Variants in ADCK1 observed in about 807,000 individuals in gnomAD.
ADCK1 encodes the protein aarF domain-containing protein kinase 1.
ADCK1 carries 41 observed loss-of-function variants against 52.3 expected under a neutral mutation model. The ratio of observed to expected loss-of-function variants is 0.78; its 90% CI spans 0.61 to 1.02. The LOEUF is 1.02. ADCK1 is among the 50% of genes least tolerant of loss of function. The pLI, the probability that ADCK1 is intolerant of heterozygous loss-of-function variation, is 0.00. For synonymous variants in ADCK1, 250 were observed against 274.6 expected (o/e 0.91, Z 0.89); for missense variants, 658 against 679.5 (o/e 0.97, Z 0.35).
chr14:77,931,540 C>A lies in ADCK1; in HGVS notation c.1229C>A (p.Ala410Glu). 1 of 1,613,798 alleles carries A rather than the reference C, an allele frequency of 6.2e-7. No individual in the cohort carries two copies. Among genetic ancestry groups the A allele is most frequent in the Non-Finnish European group, 8.5e-7 (1 of 1,179,830 alleles). Residue 410 changes from alanine (A) to glutamate (E), a missense_variant, in exon 10 of 11, where the codon GCG becomes GAG. Ala to Glu is a moderately radical substitution (Grantham distance 107). Coordinates refer to ENST00000238561, the MANE Select transcript of ADCK1 (RefSeq NM_020421.4). ...ATEDLEIRNN[A>E]ANYLPQISHL... ...CAGGACTTAGAGATTCGCAACAACGCGGCCAACTACCTCCCCCAGATCAGC... is the reference window on the plus strand; with the variant it reads ...CAGGACTTAGAGATTCGCAACAACGAGGCCAACTACCTCCCCCAGATCAGC...
At chr14:77,866,405 C>CT (rs1313686234) in intron 4 of ADCK1, among the ~76,000 whole-genome samples, 1 of 152,298 alleles carries the variant, frequency 6.6e-6, no homozygotes, top group African/African-American at 2.4e-5. Context: ...ACCCAGCACT[C>CT]TATCTGGTCA....
At chr14:77,894,764 T>TTTTTTG (rs2083372420) in intron 5 of ADCK1, among the ~76,000 whole-genome samples, 1 of 111,050 alleles carries the variant, frequency 9.0e-6, no homozygotes. Flanking sequence ...TTTTTTTTTT[T>TTTTTTG]AGATGGAGTC....
chr14:77,845,656 C>T (rs956172683), intron 3 of ADCK1, among the ~76,000 whole-genome samples: 12 of 152,228 alleles, frequency 7.9e-5, no homozygotes, highest in African/African-American at 2.4e-4. Context: ...AGTTCCTGGC[C>T]TCAAGTGATC....
chr14:77,858,166 T>G (rs2082462733), intron 3 of ADCK1, among the ~76,000 whole-genome samples: 1 of 152,210 alleles, frequency 6.6e-6, no homozygotes, highest in Admixed American at 6.5e-5. Flanking sequence ...AGACCCCTGC[T>G]AAAGTTTGCT....
intron 4 of ADCK1, among the ~76,000 whole-genome samples, chr14:77,867,624 C>T (rs1026404546): frequency 3.3e-5 from 5 of 152,234 alleles, no homozygotes; most frequent in African/African-American, 1.2e-4. Flanking sequence ...TTAGTCACTG[C>T]GGGAGAGGCA....
Position 77,819,042 on chromosome 14 carries a change from T to C in ADCK1, c.64T>C (p.Tyr22His). Reference protein sequence around the residue: ...TSMALAASGIYFYSNKYLDPN... With the variant: ...TSMALAASGIHFYSNKYLDPN... ...CATGGCTCTTGCTGCCTCTGGCATCTACTTCTACAGTAACAAGTACTTGGA... is the reference window on the plus strand; with the variant it reads ...CATGGCTCTTGCTGCCTCTGGCATCCACTTCTACAGTAACAAGTACTTGGA... The change falls in exon 2 of 11, where the codon TAC becomes CAC. Residue 22 changes from tyrosine (Y) to histidine (H), a missense_variant. Coordinates refer to ENST00000238561, the MANE Select transcript of ADCK1 (RefSeq NM_020421.4). 2 of 1,614,234 alleles carry C rather than the reference T, an allele frequency of 1.2e-6. No homozygotes were observed. The highest frequency in any genetic ancestry group is 1.7e-6 in the Non-Finnish European group (2 of 1,180,034).
chr14:77,842,441 A>C (rs1384059658), intron 3 of ADCK1, among the ~76,000 whole-genome samples: 5 of 78,310 alleles, frequency 6.4e-5, no homozygotes, highest in East Asian at 3.8e-4. Flanking sequence ...CTTTCAGGGT[A>C]TTTTTTTTTC....
intron 4 of ADCK1, among the ~76,000 whole-genome samples, chr14:77,861,835 G>A (rs1042549259): frequency 6.6e-6 from 1 of 152,206 alleles, no homozygotes; most frequent in Non-Finnish European, 1.5e-5. Flanking sequence ...AGGTGTGGGG[G>A]TAAGATTGAG....
intron 3 of ADCK1, among the ~76,000 whole-genome samples, chr14:77,823,510 G>T (rs932371754): frequency 1.3e-5 from 2 of 152,074 alleles, no homozygotes; most frequent in Non-Finnish European, 2.9e-5. Context: ...CTGTCATATA[G>T]CTTCAGAAAC....
intron 7 of ADCK1, among the ~76,000 whole-genome samples, chr14:77,920,927 G>A (rs749932473): frequency 2.6e-5 from 4 of 152,060 alleles, no homozygotes; most frequent in Non-Finnish European, 1.5e-5. Context: ...TGGGATTATA[G>A]GTGTGGGCCA....
chr14:77,828,932 A>G (rs539419939), intron 3 of ADCK1, among the ~76,000 whole-genome samples: 8 of 151,418 alleles, frequency 5.3e-5, no homozygotes, highest in Admixed American at 2.0e-4. Context: ...ATCCAAAACA[A>G]TCATTATTTT....
chr14:77,832,061 T>C (rs917922196), intron 3 of ADCK1, among the ~76,000 whole-genome samples: 2 of 151,762 alleles, frequency 1.3e-5, no homozygotes, highest in Non-Finnish European at 2.9e-5. Flanking sequence ...TACTGCAGCC[T>C]CTACCTTCCG....
intron 3 of ADCK1, among the ~76,000 whole-genome samples, chr14:77,836,259 G>A (rs563316766): frequency 6.6e-6 from 1 of 152,304 alleles, no homozygotes. Context: ...GGGCTTCCCA[G>A]CCTCTAGAAC....
intron 5 of ADCK1, among the ~76,000 whole-genome samples, chr14:77,897,245 C>G (rs2083430657): frequency 6.6e-6 from 1 of 152,218 alleles, no homozygotes; most frequent in Admixed American, 6.5e-5. Context: ...AGTCAATGTT[C>G]TCCCCAGGCC....
chr14:77,890,768 G>A (rs1180488033), intron 5 of ADCK1, among the ~76,000 whole-genome samples: 3 of 152,190 alleles, frequency 2.0e-5, no homozygotes. Flanking sequence ...CAAGAAAGTG[G>A]AGACTCTTCA....
At chr14:77,882,374 A>G (rs890478262) in intron 4 of ADCK1, among the ~76,000 whole-genome samples, 1 of 152,242 alleles carries the variant, frequency 6.6e-6, no homozygotes, top group Non-Finnish European at 1.5e-5. Context: ...TGGTCTTGGC[A>G]TCTAGGCCTG....
intron 4 of ADCK1, among the ~76,000 whole-genome samples, chr14:77,860,612 C>T (rs2082524145): frequency 6.6e-6 from 1 of 152,122 alleles, no homozygotes. Flanking sequence ...AAGGGAGAGA[C>T]ATTGAGTGAA....
chr14:77,926,752 G>C (rs2084205868), intron 9 of ADCK1, among the ~76,000 whole-genome samples: 2 of 152,170 alleles, frequency 1.3e-5, no homozygotes, highest in South Asian at 4.1e-4. Flanking sequence ...ACCTAGACAA[G>C]AGTCTCATGG....
At chr14:77,889,886 T>TAAAAAAAAAAAA (rs10683624) in intron 5 of ADCK1, among the ~76,000 whole-genome samples, 1 of 123,232 alleles carries the variant, frequency 8.1e-6, no homozygotes, top group Admixed American at 8.7e-5. Flanking sequence ...TATATAGAGT[T>TAAAAAAAAAAAA]AAAAAAAAAA....
Sources: gnomAD v4.1 joint callset for allele counts (sites outside exome capture counted in the v4.1 genomes callset) on GRCh38, gnomAD v4.1.1 for gene constraint, MANE v1.5 for transcripts, NCBI Gene and HGNC (gene_info 2026-07-23, HGNC 2026-07-21) for gene names.